SNPH: variants seen among roughly 807,000 people sequenced by gnomAD.
The protein encoded by SNPH is syntaphilin.
Under a neutral mutation model 36.8 loss-of-function variants are expected in SNPH, and 10 were observed. The ratio of observed to expected loss-of-function variants is 0.27; its 90% CI spans 0.17 to 0.46. SNPH has a LOEUF of 0.46. Among genes scored for constraint, SNPH ranks in the 20% least tolerant of loss-of-function variants. The pLI, the probability that SNPH is intolerant of heterozygous loss-of-function variation, is 1.00. For synonymous variants in SNPH, 281 were observed against 312.2 expected (o/e 0.90, Z 1.05); for missense variants, 622 against 744.0 (o/e 0.84, Z 1.91).
rs974778701 is a variant in SNPH at position 1,294,828 on chromosome 20, G to T, written c.-492-123G>T. The T allele has an allele frequency of 1.3e-5, 2 of 152,558 alleles. No homozygotes were observed. The highest frequency in any genetic ancestry group is 4.8e-5 in the African/African-American group (2 of 41,430). The allele number at this position is 152,558 out of a possible 1,614,324, so 9.5% of individuals were successfully genotyped here. On this transcript the variant is annotated intron_variant, in intron 2 of 6. Coordinates refer to ENST00000381867, the MANE Select transcript of SNPH (RefSeq NM_001318234.2). The surrounding 1 kb of genome is among the most constrained non-coding windows in gnomAD (Gnocchi z 4.4). ...GAGATCCAGCCCCTCAGCATCTGAT[G>T]TTGACCTGGTTTCGATATTGGCTCT...
intron 2 of SNPH, among the ~76,000 whole-genome samples, chr20:1,291,470 C>G (rs2088359644): frequency 6.6e-6 from 1 of 152,170 alleles, no homozygotes; most frequent in African/African-American, 2.4e-5. Context: ...TGTGAATAGC[C>G]CTGGTAGTGC....
chr20:1,292,454 A>T (rs959269613), intron 2 of SNPH, among the ~76,000 whole-genome samples: 3 of 152,152 alleles, frequency 2.0e-5, no homozygotes, highest in Non-Finnish European at 4.4e-5. Context: ...ACTTCCAAGG[A>T]ATTTTGAACA....
At chr20:1,280,293 A>T (rs906931844) in intron 2 of SNPH, among the ~76,000 whole-genome samples, 7 of 152,132 alleles carry the variant, frequency 4.6e-5, no homozygotes, top group African/African-American at 1.4e-4. Flanking sequence ...GATGTGTGTA[A>T]ACAGCCTGTA....
chr20:1,298,290 G>C (rs2088463965), intron 5 of SNPH, among the ~76,000 whole-genome samples: 1 of 152,210 alleles, frequency 6.6e-6, no homozygotes, highest in Non-Finnish European at 1.5e-5. Context: ...TGTTGTTAGA[G>C]CTTTGATCTG....
intron 2 of SNPH, among the ~76,000 whole-genome samples, chr20:1,289,895 A>T (rs1164496340): frequency 1.3e-5 from 2 of 152,082 alleles, no homozygotes; most frequent in African/African-American, 4.8e-5. Context: ...GATATAATTT[A>T]CATTCCATAA....
At chr20:1,269,332 C>T (rs765362640) in intron 2 of SNPH, among the ~76,000 whole-genome samples, 8 of 152,202 alleles carry the variant, frequency 5.3e-5, no homozygotes, top group Non-Finnish European at 1.0e-4. Flanking sequence ...TTACCCTCAA[C>T]GTCATTTATG....
chr20:1,271,435 G>A (rs535337435), intron 2 of SNPH, among the ~76,000 whole-genome samples: 8 of 152,220 alleles, frequency 5.3e-5, no homozygotes, highest in South Asian at 4.2e-4. Context: ...TCTGCCTCCC[G>A]GGTTCAAATG....
intron 2 of SNPH, among the ~76,000 whole-genome samples, chr20:1,270,873 T>C (rs1013472794): frequency 6.6e-6 from 1 of 152,156 alleles, no homozygotes; most frequent in African/African-American, 2.4e-5. Context: ...CTAACGGGGA[T>C]TGCATTTCTA....
At chr20:1,274,244 G>A (rs1033990862) in intron 2 of SNPH, among the ~76,000 whole-genome samples, 1 of 152,098 alleles carries the variant, frequency 6.6e-6, no homozygotes, top group African/African-American at 2.4e-5. Flanking sequence ...TCAAAGTGCA[G>A]GCATGGGAGA....
At position 1,305,222 on chromosome 20, in the gene SNPH, T is replaced by C. The variant is rs746640965; in HGVS notation, c.785T>C (p.Leu262Pro). Residue 262 changes from leucine (L) to proline (P), a missense_variant, in exon 7 of 7, where the codon CTG (leucine) becomes CCG (proline). Coordinates refer to ENST00000381867, the MANE Select transcript of SNPH (RefSeq NM_001318234.2). Reference sequence around the variant, plus strand: ...ACCCGCAGCTCCACCTACACCAAGCTGAGTGACCCGGCTGTCTGTGGTGAC... The same window carrying C: ...ACCCGCAGCTCCACCTACACCAAGCCGAGTGACCCGGCTGTCTGTGGTGAC... ...SLTRSSTYTK[L>P]SDPAVCGDRQ... The C allele has an allele frequency of 6.2e-7, 1 of 1,611,682 alleles. No homozygotes were observed. Among genetic ancestry groups the C allele is most frequent in the Admixed American group, 1.7e-5 (1 of 60,002 alleles).
intron 2 of SNPH, among the ~76,000 whole-genome samples, chr20:1,292,059 G>C (rs1423931769): frequency 6.6e-6 from 1 of 152,170 alleles, no homozygotes; most frequent in Non-Finnish European, 1.5e-5. Context: ...TGACTCTTTG[G>C]TCTATTCAAT....
intron 6 of SNPH, among the ~76,000 whole-genome samples, chr20:1,302,776 T>C (rs780843210): frequency 1.3e-3 from 200 of 152,214 alleles, no homozygotes; most frequent in Non-Finnish European, 2.5e-3. Flanking sequence ...AAGCAGCCAA[T>C]CCGGTTTGGA....
rs1239490761 is a variant in SNPH at position 1,266,812 on chromosome 20, G to C, written c.-493+52G>C. 1 of 1,305,368 alleles carries C rather than the reference G, an allele frequency of 7.7e-7. No individual in the cohort carries two copies. Among genetic ancestry groups the C allele is most frequent in the Non-Finnish European group, 9.7e-7 (1 of 1,026,138 alleles). 80.9% of individuals were successfully genotyped at this position (1,305,368 alleles called of 1,614,324 possible). A position where few individuals can be genotyped will look rare whatever the true frequency, so the allele number is the denominator to read the frequency against. On this transcript the variant is annotated intron_variant, in intron 2 of 6. Coordinates refer to ENST00000381867, the MANE Select transcript of SNPH (RefSeq NM_001318234.2). This position sits in a 1 kb window ranked among gnomAD's most constrained non-coding sequence, Gnocchi z 6.0. The stretch of plus-strand genomic sequence containing the variant: ...GCTGGCCCTGCGCTGCACCGCGGCA[G>C]GTGGGGGCCGCTTGCAACCGCTCGC...
Position 1,266,480 on chromosome 20 carries a change from G to T in SNPH, c.-600+83G>T. ...TCCAGAGTGCCGAGTGCCAGGGGGT[G>T]GGGTGGGGGCCGCGGGCCGCGAGGA... On this transcript the variant is annotated intron_variant, in intron 1 of 6. Coordinates refer to ENST00000381867, the MANE Select transcript of SNPH (RefSeq NM_001318234.2). The surrounding 1 kb of genome is among the most constrained non-coding windows in gnomAD (Gnocchi z 6.0). The T allele has an allele frequency of 1.1e-6, 1 of 928,664 alleles. No individual in the cohort carries two copies. The highest frequency in any genetic ancestry group is 1.5e-6 in the Non-Finnish European group (1 of 674,210). The allele number at this position is 928,664 out of a possible 1,614,324, so 57.5% of individuals were successfully genotyped here.
Position 1,266,700 on chromosome 20 carries a change from T to A in SNPH, c.-553T>A, listed in dbSNP as rs568507420. 3.5e-6 allele frequency: 5 copies of A among 1,447,806 alleles called. 1 individual carries two copies. The allele number at this position is 1,447,806 out of a possible 1,614,324, so 89.7% of individuals were successfully genotyped here. On this transcript the variant is annotated 5_prime_UTR_variant, in exon 2 of 7. Coordinates refer to ENST00000381867, the MANE Select transcript of SNPH (RefSeq NM_001318234.2). The surrounding 1 kb of genome is among the most constrained non-coding windows in gnomAD (Gnocchi z 6.0). The stretch of plus-strand genomic sequence containing the variant: ...GCTGCAGCAGCGACTGCAGAGGCGC[T>A]GCGCCAAGCCGGGCCGGAGTGGTGC...
chr20:1,287,620 G>C (rs1162874357), intron 2 of SNPH, among the ~76,000 whole-genome samples: 1 of 152,210 alleles, frequency 6.6e-6, no homozygotes, highest in Non-Finnish European at 1.5e-5. Context: ...CTGATTCTGA[G>C]AGTGTGTTAG....
chr20:1,268,372 T>G (rs1334124153), intron 2 of SNPH, among the ~76,000 whole-genome samples: 4 of 152,148 alleles, frequency 2.6e-5, no homozygotes, highest in Non-Finnish European at 4.4e-5. Context: ...TCTCTTGCCC[T>G]CCCTGGAGTG....
intron 2 of SNPH, among the ~76,000 whole-genome samples, chr20:1,284,647 C>A (rs75955348): frequency 6.6e-6 from 1 of 151,960 alleles, no homozygotes; most frequent in South Asian, 2.1e-4. Context: ...AGAGAATACA[C>A]GGGGCAGAGA....
In SNPH at chr20:1,266,312, C is replaced by T. The variant is rs371202703; in HGVS notation, c.-685C>T. ...TCCCGGCAGCCCCAGCCCCGGCGAG[C>T]ACCCAGCTAGCCGCCTCCTGCAGGG... On this transcript the variant is annotated 5_prime_UTR_variant, in exon 1 of 7. Transcript: ENST00000381867. This position sits in a 1 kb window ranked among gnomAD's most constrained non-coding sequence, Gnocchi z 6.0. 64 of 202,774 alleles carry T rather than the reference C, an allele frequency of 3.2e-4. No individual in the cohort carries two copies. In the East Asian group the frequency reaches 6.3e-3, roughly 20 times the overall value. The allele number at this position is 202,774 out of a possible 1,614,324, so 12.6% of individuals were successfully genotyped here. A position where few individuals can be genotyped will look rare whatever the true frequency, so the allele number is the denominator to read the frequency against.
Sources: gnomAD v4.1 joint callset for allele counts (sites outside exome capture counted in the v4.1 genomes callset) on GRCh38, gnomAD v4.1.1 for gene constraint, Gnocchi (gnomAD v3.1) non-coding constraint, MANE v1.5 for transcripts, NCBI Gene and HGNC (gene_info 2026-07-23, HGNC 2026-07-21) for gene names.